MAP3K7CL: variants seen among roughly 807,000 people sequenced by gnomAD.
The protein encoded by MAP3K7CL is MAP3K7 C-terminal-like protein.
Under a neutral mutation model 18.6 loss-of-function variants are expected in MAP3K7CL, and 16 were observed. That is an observed-to-expected ratio of 0.86 (90% CI 0.58 to 1.31). The LOEUF is 1.31. Among genes scored for constraint, MAP3K7CL ranks in the 50% most tolerant of loss-of-function variants. MAP3K7CL has a pLI of 0.00. For missense variants in MAP3K7CL, 163 were observed against 174.4 expected (o/e 0.93, Z 0.37); for synonymous variants, 65 against 66.8 (o/e 0.97, Z 0.13).
chr21:29,137,692 G>A (rs2086915667), intron 2 of MAP3K7CL, among the ~76,000 whole-genome samples: 1 of 152,254 alleles, frequency 6.6e-6, no homozygotes, highest in African/African-American at 2.4e-5. Flanking sequence ...CCACTGAGCT[G>A]TGGAAGAGTA....
At chr21:29,108,337 C>T (rs1198755200) in intron 4 of MAP3K7CL, among the ~76,000 whole-genome samples, 1 of 152,180 alleles carries the variant, frequency 6.6e-6, no homozygotes, top group Non-Finnish European at 1.5e-5. Flanking sequence ...AGAGAGCCCT[C>T]ATCAGGAATG....
chr21:29,112,388 C>T (rs1601174328), intron 4 of MAP3K7CL, among the ~76,000 whole-genome samples: 1 of 152,266 alleles, frequency 6.6e-6, no homozygotes, highest in African/African-American at 2.4e-5. Flanking sequence ...TCAATCCTTA[C>T]AGCAGCAAAT....
intron 4 of MAP3K7CL, among the ~76,000 whole-genome samples, chr21:29,113,832 T>C (rs2146567945): frequency 6.6e-6 from 1 of 152,188 alleles, no homozygotes; most frequent in East Asian, 1.9e-4. Context: ...CGCCCGGCCA[T>C]ATAATGCCTA....
Position 29,141,079 on chromosome 21 carries a change from A to G in MAP3K7CL, c.70+7665A>G, listed in dbSNP as rs1205391002. On this transcript the variant is annotated intron_variant, in intron 2 of 4. Coordinates refer to ENST00000399928, the MANE Select transcript of MAP3K7CL (RefSeq NM_001286620.2). ...GGCATAAGCCACTGCCCCAGCCCCA[A>G]TAAGTTCTTCTTGAGGCAGGTGTTT... Among the ~76,000 whole-genome samples, 3 of 152,222 alleles carry G rather than the reference A, an allele frequency of 2.0e-5. No individual in the cohort carries two copies. In the East Asian group the frequency reaches 5.8e-4, roughly 29 times the overall value.
At position 29,175,141 on chromosome 21, in the gene MAP3K7CL, TG is replaced by T. The variant is rs2087937857; in HGVS notation, c.*250del. 9 of 339,276 alleles carry T rather than the reference TG, an allele frequency of 2.7e-5. No homozygotes were observed. In the South Asian group the frequency reaches 4.8e-4, roughly 18 times the overall value. 21.0% of individuals were successfully genotyped at this position (339,276 alleles called of 1,614,324 possible). A position where few individuals can be genotyped will look rare whatever the true frequency, so the allele number is the denominator to read the frequency against. Reference sequence around the variant, plus strand: ...ATCAGAATTCTTTTCCAAAGATATATGTTTTTTTCTTTTTTAGGAAGATATG... The same window carrying T: ...ATCAGAATTCTTTTCCAAAGATATATTTTTTTTCTTTTTTAGGAAGATATG... On this transcript the variant is annotated 3_prime_UTR_variant, in exon 5 of 5. Transcript: ENST00000399928.
chr21:29,109,492 G>T, intron 4 of MAP3K7CL: 1 of 1,111,068 alleles, frequency 9.0e-7, no homozygotes, highest in South Asian at 3.6e-5. Flanking sequence ...TTTGTTAACA[G>T]TTGTTGGCAG....
At chr21:29,109,719 TACAA>T (rs1458547964) in intron 4 of MAP3K7CL, 7 of 985,970 alleles carry the variant, frequency 7.1e-6, no homozygotes, top group Non-Finnish European at 8.4e-6. Flanking sequence ...ACAAACCTTA[TACAA>T]ACAGTTATAT....
At chr21:29,152,140 G>C (rs901416272) in intron 3 of MAP3K7CL, among the ~76,000 whole-genome samples, 3 of 152,168 alleles carry the variant, frequency 2.0e-5, no homozygotes, top group East Asian at 1.9e-4. Flanking sequence ...AGTTGTCAAG[G>C]CTTTTGGGTA....
chr21:29,174,374 A>AGCAT (rs2087914738), intron 4 of MAP3K7CL, among the ~76,000 whole-genome samples: 1 of 152,234 alleles, frequency 6.6e-6, no homozygotes, highest in African/African-American at 2.4e-5. Flanking sequence ...GACAATAGGC[A>AGCAT]GCATCTTAAA....
chr21:29,092,673 T>G (rs565844168), intron 4 of MAP3K7CL: 23 of 1,455,084 alleles, frequency 1.6e-5, no homozygotes, highest in Non-Finnish European at 2.0e-5. Flanking sequence ...GGGCAGCACC[T>G]CATTCTGCAG....
At chr21:29,124,726 T>C (rs1472153238) in intron 4 of MAP3K7CL, among the ~76,000 whole-genome samples, 9 of 152,234 alleles carry the variant, frequency 5.9e-5, no homozygotes, top group Non-Finnish European at 1.3e-4. Flanking sequence ...AGAATAATCT[T>C]TGGTGACATT....
intron 1 of MAP3K7CL, among the ~76,000 whole-genome samples, chr21:29,090,773 A>T (rs8126912): frequency 0.31 from 45,653 of 149,214 alleles, 7,064 homozygotes; most frequent in African/African-American, 0.38. Flanking sequence ...TTTTTTTTTT[A>T]AAATTGCTGC....
chr21:29,111,355 G>A (rs937786208), intron 4 of MAP3K7CL, among the ~76,000 whole-genome samples: 1 of 152,196 alleles, frequency 6.6e-6, no homozygotes, highest in African/African-American at 2.4e-5. Context: ...ACAGTGGGGA[G>A]CTAAGAGGCT....
intron 3 of MAP3K7CL, among the ~76,000 whole-genome samples, chr21:29,150,639 C>T (rs1364243466): frequency 6.6e-6 from 1 of 152,150 alleles, no homozygotes; most frequent in Non-Finnish European, 1.5e-5. Flanking sequence ...TTTCTATCCT[C>T]CATGCAGGGT....
chr21:29,078,265 T>C (rs989089223), intron 1 of MAP3K7CL, among the ~76,000 whole-genome samples: 3 of 152,232 alleles, frequency 2.0e-5, no homozygotes, highest in African/African-American at 7.2e-5. Context: ...TGACTCATTT[T>C]GTGTTGGCTC....
chr21:29,089,335 A>C (rs2085982295), intron 1 of MAP3K7CL, among the ~76,000 whole-genome samples: 1 of 152,122 alleles, frequency 6.6e-6, no homozygotes, highest in Admixed American at 6.5e-5. Flanking sequence ...TGGGCCTTAC[A>C]TTTGTCTTTT....
intron 4 of MAP3K7CL, among the ~76,000 whole-genome samples, chr21:29,101,710 A>G (rs2086233680): frequency 1.3e-5 from 2 of 152,186 alleles, no homozygotes; most frequent in African/African-American, 4.8e-5. Context: ...GCCCGGCCAC[A>G]TTTAACATTT....
At chr21:29,133,284 T>C in intron 1 of MAP3K7CL, 22 bp from the exon 2 acceptor site, 1 of 1,534,834 alleles carries the variant, frequency 6.5e-7, no homozygotes, top group South Asian at 1.2e-5. Flanking sequence ...AAAGTGACAA[T>C]GGCTCTCTCT....
At chr21:29,132,528 T>G (rs2086798228) in intron 1 of MAP3K7CL, among the ~76,000 whole-genome samples, 1 of 152,126 alleles carries the variant, frequency 6.6e-6, no homozygotes, top group Non-Finnish European at 1.5e-5. Context: ...TTATTTATTT[T>G]AGACAGAGTC....
Sources: gnomAD v4.1 joint callset for allele counts (sites outside exome capture counted in the v4.1 genomes callset) on GRCh38, gnomAD v4.1.1 for gene constraint, MANE v1.5 for transcripts, NCBI Gene and HGNC (gene_info 2026-07-23, HGNC 2026-07-21) for gene names.